The following ZNF891 variants were observed in gnomAD, a reference collection of about 807,000 sequenced individuals.
ZNF891 encodes zinc finger protein 891.
For synonymous variants in ZNF891, 199 were observed against 209.0 expected (o/e 0.95, Z 0.41); for missense variants, 589 against 632.7 (o/e 0.93, Z 0.74).
chr12:133,106,197 G>A lies in ZNF891; in HGVS notation c.*14087C>T. On this transcript the variant is annotated 3_prime_UTR_variant, in exon 2 of 2. Transcript: ENST00000537226. ...AAACCTTATGAATGCATTGAATGTGGGAAGGCATTTCGCCGTTTCTCACAC... is the reference window on the plus strand; with the variant it reads ...AAACCTTATGAATGCATTGAATGTGAGAAGGCATTTCGCCGTTTCTCACAC... 1 of 1,613,988 alleles carries A rather than the reference G, an allele frequency of 6.2e-7. No homozygotes were observed. The highest frequency in any genetic ancestry group is 1.3e-5 in the African/African-American group (1 of 74,970).
chr12:133,124,413 T>C lies in ZNF891; in HGVS notation c.-106-2389A>G, dbSNP rs769807502. 6.2e-4 allele frequency among the ~76,000 whole-genome samples: 94 copies of C among 152,202 alleles called. 1 individual carries two copies. Among genetic ancestry groups the C allele is most frequent in the Non-Finnish European group, 8.2e-4 (56 of 68,006 alleles). ...AAGCAATGTGAGATATAATGAATGATTGTTTTTACTCCAAGATGAAAGAAG... is the reference window on the plus strand; with the variant it reads ...AAGCAATGTGAGATATAATGAATGACTGTTTTTACTCCAAGATGAAAGAAG... On this transcript the variant is annotated intron_variant, in intron 1 of 1. Coordinates refer to ENST00000537226, the MANE Select transcript of ZNF891 (RefSeq NM_001277291.2).
rs772419820 is a variant in ZNF891, at chr12:133,106,354, T to G, written c.*13930A>C. 8 of 1,614,056 alleles carry G rather than the reference T, an allele frequency of 5.0e-6. No homozygotes were observed. The highest frequency in any genetic ancestry group is 6.8e-6 in the Non-Finnish European group (8 of 1,180,010). On this transcript the variant is annotated 3_prime_UTR_variant, in exon 2 of 2. Transcript: ENST00000537226. ...ATGCTGGAGAAAAGCTCTATGAATGTGATGAATGTGGTAAAGTTTTCACTT... is the reference window on the plus strand; with the variant it reads ...ATGCTGGAGAAAAGCTCTATGAATGGGATGAATGTGGTAAAGTTTTCACTT...
At chr12:133,122,070 CAG>C (rs1955768646) in intron 1 of ZNF891, 46 bp from the exon 2 acceptor site, 1 of 1,402,232 alleles carries the variant, frequency 7.1e-7, no homozygotes, top group Non-Finnish European at 9.2e-7. Flanking sequence ...AAGCTGGAAA[CAG>C]GGCCCCACTT....
chr12:133,129,583 A>T (rs1440410041), intron 1 of ZNF891, among the ~76,000 whole-genome samples: 2 of 149,226 alleles, frequency 1.3e-5, no homozygotes, highest in African/African-American at 4.9e-5. Context: ...AAACTTTTGG[A>T]GGCGGGCGGG....
In ZNF891 at chr12:133,109,860, A is replaced by T. The variant is rs922972121; in HGVS notation, c.*10424T>A. On this transcript the variant is annotated 3_prime_UTR_variant, in exon 2 of 2. Coordinates refer to ENST00000537226, the MANE Select transcript of ZNF891 (RefSeq NM_001277291.2). The stretch of plus-strand genomic sequence containing the variant: ...CCTTTGAGCTAAGAATGATTTTAAC[A>T]TCTTTAAAAAGCTGCTTAGAAAAAT... The T allele has an allele frequency of 6.6e-6, 1 of 152,206 alleles. No homozygotes were observed. The highest frequency in any genetic ancestry group is 1.5e-5 in the Non-Finnish European group (1 of 68,032). The allele number at this position is 152,206 out of a possible 1,614,324, so 9.4% of individuals were successfully genotyped here.
At position 133,113,269 on chromosome 12, in the gene ZNF891, G is replaced by T. The variant is rs929758558; in HGVS notation, c.*7015C>A. ...AGTATTTATTAAAAAGTTAATGATAGAATTATTTTTAAGAAATAGACCACA... is the reference window on the plus strand; with the variant it reads ...AGTATTTATTAAAAAGTTAATGATATAATTATTTTTAAGAAATAGACCACA... On this transcript the variant is annotated 3_prime_UTR_variant, in exon 2 of 2. Coordinates refer to ENST00000537226, the MANE Select transcript of ZNF891 (RefSeq NM_001277291.2). The T allele has an allele frequency of 1.1e-4, 17 of 151,766 alleles. No individual in the cohort carries two copies. The highest frequency in any genetic ancestry group is 4.1e-4 in the African/African-American group (17 of 41,408). 9.4% of individuals were successfully genotyped at this position (151,766 alleles called of 1,614,324 possible).
intron 1 of ZNF891, among the ~76,000 whole-genome samples, chr12:133,128,769 G>C (rs1204700747): frequency 6.7e-6 from 1 of 149,048 alleles, no homozygotes; most frequent in Non-Finnish European, 1.5e-5. Context: ...CTCCAGCCTG[G>C]AGACAGAGTG....
intron 1 of ZNF891, among the ~76,000 whole-genome samples, chr12:133,127,428 T>C (rs536829860): frequency 2.0e-5 from 3 of 152,306 alleles, no homozygotes; most frequent in Admixed American, 1.3e-4. Context: ...AGGTATGAAA[T>C]AGGACTTCTC....
chr12:133,121,585 A>G lies in ZNF891; in HGVS notation c.334T>C (p.Cys112Arg), dbSNP rs1429750159. Residue 112 changes from cysteine to arginine, a missense_variant, in exon 2 of 2, where the codon TGT becomes CGT. Cys to Arg is a radical substitution (Grantham distance 180, BLOSUM62 -3). Coordinates refer to ENST00000537226, the MANE Select transcript of ZNF891 (RefSeq NM_001277291.2). ...TTAGGTTGAATCTTCTGGTCTGGAC[A>G]GATGGCTTGGGGAATTCTCTTTTTC... ...NMKKRIPQAI[C>R]PDQKIQPKTK... The G allele has an allele frequency of 7.2e-6, 11 of 1,536,614 alleles. No homozygotes were observed. In the East Asian group the frequency reaches 2.2e-4, roughly 31 times the overall value.
rs1487842743 is a variant in ZNF891 at position 133,119,855 on chromosome 12, T to A, written c.*429A>T. 6.3e-6 allele frequency: 1 copy of A among 159,374 alleles called. No homozygotes were observed. Among genetic ancestry groups the A allele is most frequent in the Non-Finnish European group, 1.4e-5 (1 of 72,210 alleles). The allele number at this position is 159,374 out of a possible 1,614,324, so 9.9% of individuals were successfully genotyped here. On this transcript the variant is annotated 3_prime_UTR_variant, in exon 2 of 2. Coordinates refer to ENST00000537226, the MANE Select transcript of ZNF891 (RefSeq NM_001277291.2). Reference sequence around the variant, plus strand: ...TATGGCTACCCTTAGCTACAAGAAGTCAAAGAAGCGTTCTATAACCAGAGA... The same window carrying A: ...TATGGCTACCCTTAGCTACAAGAAGACAAAGAAGCGTTCTATAACCAGAGA...
chr12:133,121,983 C>A lies in ZNF891; in HGVS notation c.-65G>T. The A allele has an allele frequency of 7.0e-7, 1 of 1,432,584 alleles. No individual in the cohort carries two copies. The highest frequency in any genetic ancestry group is 9.1e-7 in the Non-Finnish European group (1 of 1,095,034). The allele number at this position is 1,432,584 out of a possible 1,614,324, so 88.7% of individuals were successfully genotyped here. A position where few individuals can be genotyped will look rare whatever the true frequency, so the allele number is the denominator to read the frequency against. On this transcript the variant is annotated 5_prime_UTR_variant, in exon 2 of 2. The change creates a premature stop within an existing upstream ORF in the 5' untranslated region. Transcript: ENST00000537226. ...CAGGATGTTTCTGTTCTTGTGTCTC[C>A]AATCCAGTCACAGGAGGGATGCATT...
Position 133,106,362 on chromosome 12 carries a change from G to A in ZNF891, c.*13922C>T. Reference sequence around the variant, plus strand: ...GAAAAGCTCTATGAATGTGATGAATGTGGTAAAGTTTTCACTTGGCATGCA... The same window carrying A: ...GAAAAGCTCTATGAATGTGATGAATATGGTAAAGTTTTCACTTGGCATGCA... On this transcript the variant is annotated 3_prime_UTR_variant, in exon 2 of 2. Transcript: ENST00000537226. 1 of 1,614,158 alleles carries A rather than the reference G, an allele frequency of 6.2e-7. No homozygotes were observed.
At position 133,119,961 on chromosome 12, in the gene ZNF891, G is replaced by C. The variant is rs1955739384; in HGVS notation, c.*323C>G. On this transcript the variant is annotated 3_prime_UTR_variant, in exon 2 of 2. Coordinates refer to ENST00000537226, the MANE Select transcript of ZNF891 (RefSeq NM_001277291.2). Reference sequence around the variant, plus strand: ...GTTTGGTTGGCTGCTAGCAATACCAGTCTCACTGGGCCAGAAAACAACTTT... The same window carrying C: ...GTTTGGTTGGCTGCTAGCAATACCACTCTCACTGGGCCAGAAAACAACTTT... 1 of 198,802 alleles carries C rather than the reference G, an allele frequency of 5.0e-6. No individual in the cohort carries two copies. Among genetic ancestry groups the C allele is most frequent in the Non-Finnish European group, 1.0e-5 (1 of 97,362 alleles). The allele number at this position is 198,802 out of a possible 1,614,324, so 12.3% of individuals were successfully genotyped here.
Position 133,121,080 on chromosome 12 carries a change from ATAT to A in ZNF891, c.836_838del (p.Asn279del), listed in dbSNP as rs758714408. ...ATGCAAATTGTTAGGTACAGGAAAC[ATAT>A]TATGTGTGAAGTGCATTCCATGTTT... On this transcript the variant is annotated inframe_deletion, in exon 2 of 2. Coordinates refer to ENST00000537226, the MANE Select transcript of ZNF891 (RefSeq NM_001277291.2). 32 of 1,535,456 alleles carry A rather than the reference ATAT, an allele frequency of 2.1e-5. No homozygotes were observed. In the East Asian group the frequency reaches 5.4e-4, roughly 26 times the overall value.
rs1055056730 is a variant in ZNF891, at chr12:133,108,295, T to G, written c.*11989A>C. 1.3e-5 allele frequency: 2 copies of G among 151,850 alleles called. No individual in the cohort carries two copies. The highest frequency in any genetic ancestry group is 1.9e-4 in the East Asian group (1 of 5,194). The allele number at this position is 151,850 out of a possible 1,614,324, so 9.4% of individuals were successfully genotyped here. On this transcript the variant is annotated 3_prime_UTR_variant, in exon 2 of 2. Transcript: ENST00000537226. ...TGCCTTATTACATATGGGTATCTAG[T>G]ATCTGATTTGGTTTTCTCAGGCAGG...
At chr12:133,130,026 C>T (rs1955859740) in intron 1 of ZNF891, among the ~76,000 whole-genome samples, 1 of 151,876 alleles carries the variant, frequency 6.6e-6, no homozygotes, top group Non-Finnish European at 1.5e-5. Flanking sequence ...CCCTGGTCCC[C>T]ACTCGCTCCC....
intron 1 of ZNF891, among the ~76,000 whole-genome samples, chr12:133,128,846 T>C (rs1011170843): frequency 4.9e-5 from 7 of 144,242 alleles, no homozygotes; most frequent in African/African-American, 1.8e-4. Context: ...AATTTAAAAA[T>C]TAAGAGCAAA....
rs1279516635 is a variant in ZNF891 at position 133,108,869 on chromosome 12, CTG to C, written c.*11413_*11414del. On this transcript the variant is annotated 3_prime_UTR_variant, in exon 2 of 2. Transcript: ENST00000537226. Reference sequence around the variant, plus strand: ...TTCAAACCTATATCAGAGAATTACACTGTGGGAAAACTACCATTGTAATAAGT... The same window carrying C: ...TTCAAACCTATATCAGAGAATTACACTGGGAAAACTACCATTGTAATAAGT... The C allele has an allele frequency of 6.6e-6, 1 of 152,204 alleles. No individual in the cohort carries two copies. Among genetic ancestry groups the C allele is most frequent in the Non-Finnish European group, 1.5e-5 (1 of 68,034 alleles). 9.4% of individuals were successfully genotyped at this position (152,204 alleles called of 1,614,324 possible).
At chr12:133,129,634 G>C (rs1955854959) in intron 1 of ZNF891, among the ~76,000 whole-genome samples, 1 of 152,098 alleles carries the variant, frequency 6.6e-6, no homozygotes, top group African/African-American at 2.4e-5. Flanking sequence ...GAATAGAAGA[G>C]AGACTGTGCT....
Sources: allele counts gnomAD v4.1 joint callset (sites outside exome capture counted in the v4.1 genomes callset), GRCh38; gene constraint gnomAD v4.1.1; transcripts MANE v1.5; gene names NCBI Gene and HGNC (gene_info 2026-07-23, HGNC 2026-07-21).